Variants in AK5 observed in about 807,000 individuals in gnomAD.
AK5 encodes the protein adenylate kinase isoenzyme 5.
AK5 carries 27 observed loss-of-function variants against 69.5 expected under a neutral mutation model. The ratio of observed to expected loss-of-function variants is 0.39; its 90% CI spans 0.29 to 0.54. The LOEUF is 0.54. AK5 is among the 20% of genes least tolerant of loss of function. The probability of loss-of-function intolerance (pLI) is 0.71; values close to 1 mark genes in which losing one functional copy is unlikely to be tolerated. For missense variants in AK5, 531 were observed against 700.4 expected, an observed-to-expected ratio of 0.76 and a Z score of 2.73; for synonymous variants, 260 against 244.4, an observed-to-expected ratio of 1.06 and a Z score of -0.60.
intron 8 of AK5, among the ~76,000 whole-genome samples, chr1:77,456,166 A>G (rs914146788): frequency 1.3e-5 from 2 of 152,206 alleles, no homozygotes; most frequent in African/African-American, 4.8e-5. Context: ...ACAGCAAGTA[A>G]TTCCTCAATA....
In AK5 at chr1:77,463,724, TC is replaced by T. The variant is rs554224969; in HGVS notation, c.1060-19590del. Among the ~76,000 whole-genome samples the T allele has an allele frequency of 1.5e-3, 233 of 152,318 alleles. 2 individuals are homozygous for T. Among genetic ancestry groups the T allele is most frequent in the Non-Finnish European group, 1.6e-3 (109 of 68,026 alleles). On this transcript the variant is annotated intron_variant, in intron 8 of 13. Coordinates refer to ENST00000354567, the MANE Select transcript of AK5 (RefSeq NM_174858.3). ...TTGTGTGTCTGTTTCCCTCTATTTT[TC>T]CCTTATTATAGGCCTGTTTCTTCCC... is the stretch of plus-strand genomic sequence containing the variant.
Position 77,558,676 on chromosome 1 carries a change from A to G in AK5, c.*6A>G, listed in dbSNP as rs774619397. On this transcript the variant is annotated 3_prime_UTR_variant, in exon 14 of 14. Transcript: ENST00000354567. Reference sequence around the variant, plus strand: ...CTATTGACTCTATTTTCTGAAGGCAAAAATGCATGTTTGTTAGAATGGAAA... The same window carrying G: ...CTATTGACTCTATTTTCTGAAGGCAGAAATGCATGTTTGTTAGAATGGAAA... The G allele has an allele frequency of 6.4e-7, 1 of 1,552,890 alleles. No individual in the cohort carries two copies. The highest frequency in any genetic ancestry group is 1.1e-5 in the South Asian group (1 of 88,984).
rs1553140338 is a variant in AK5, at chr1:77,368,246, T to TA, written c.891+27679dup. Among the ~76,000 whole-genome samples, 84 of 4,840 alleles carry TA rather than the reference T, an allele frequency of 0.017. 5 individuals carry two copies. The South Asian group carries it at 0.33, about 19-fold the overall frequency. 3.2% of individuals were successfully genotyped at this position (4,840 alleles called of 152,430 possible). ...ATATATATATATATATATATATATA[T>TA]ATATATAATATATATGTTATATATA... On this transcript the variant is annotated intron_variant, in intron 6 of 13. Coordinates refer to ENST00000354567, the MANE Select transcript of AK5 (RefSeq NM_174858.3).
chr1:77,478,029 A>G (rs1008318272), intron 8 of AK5, among the ~76,000 whole-genome samples: 1 of 152,188 alleles, frequency 6.6e-6, no homozygotes, highest in Admixed American at 6.5e-5. Context: ...AAGAGCAGTA[A>G]GAGGATGCTG....
intron 10 of AK5, among the ~76,000 whole-genome samples, chr1:77,506,573 G>A (rs1314698304): frequency 6.6e-6 from 1 of 152,114 alleles, no homozygotes; most frequent in African/African-American, 2.4e-5. Flanking sequence ...CATGGCATTT[G>A]GTTTCAGAGT....
Position 77,417,166 on chromosome 1 carries a change from C to G in AK5, c.983-473C>G, listed in dbSNP as rs547952573. ...TACGCAAACTTAGCCCTTCCTGTTT[C>G]TGGAAACCCCTTACTCTCCTCCCAC... On this transcript the variant is annotated intron_variant, in intron 7 of 13. Coordinates refer to ENST00000354567, the MANE Select transcript of AK5 (RefSeq NM_174858.3). Among the ~76,000 whole-genome samples the G allele has an allele frequency of 2.0e-5, 3 of 152,132 alleles. No individual in the cohort carries two copies. The East Asian group carries it at 5.8e-4, about 29-fold the overall frequency.
rs536006264 is a variant in AK5, at chr1:77,307,739, C to T, written c.699+9792C>T. Among the ~76,000 whole-genome samples the T allele has an allele frequency of 7.8e-4, 119 of 152,266 alleles. 2 individuals carry two copies. In the South Asian group the frequency reaches 0.02, roughly 26 times the overall value. ...CCAATGCTTCTTCTGTGTTCTCCCT[C>T]CCCTGGCACCCAGAGAGGCTCTCAG... On this transcript the variant is annotated intron_variant, in intron 5 of 13. Coordinates refer to ENST00000354567, the MANE Select transcript of AK5 (RefSeq NM_174858.3).
chr1:77,389,486 A>G (rs1648269029), intron 6 of AK5, among the ~76,000 whole-genome samples: 1 of 152,194 alleles, frequency 6.6e-6, no homozygotes, highest in Non-Finnish European at 1.5e-5. Flanking sequence ...CAGAAAAGTG[A>G]CAGAAGGATG....
chr1:77,344,944 AT>A (rs1221463813), intron 6 of AK5, among the ~76,000 whole-genome samples: 2 of 151,808 alleles, frequency 1.3e-5, no homozygotes, highest in Admixed American at 1.3e-4. Context: ...TTTTTAAAAA[AT>A]ATATGCAATT....
intron 5 of AK5, among the ~76,000 whole-genome samples, chr1:77,325,956 T>A (rs541122842): frequency 6.6e-6 from 1 of 152,150 alleles, no homozygotes; most frequent in South Asian, 2.1e-4. Context: ...AATTAATAAA[T>A]GTTTATGGAT....
At chr1:77,363,703 GT>G (rs777600640) in intron 6 of AK5, among the ~76,000 whole-genome samples, 10 of 152,152 alleles carry the variant, frequency 6.6e-5, no homozygotes, top group Middle Eastern at 6.8e-3. Flanking sequence ...GCCTTTTGCT[GT>G]TTCCCTCTGC....
intron 12 of AK5, among the ~76,000 whole-genome samples, chr1:77,524,621 C>T (rs546321232): frequency 3.9e-5 from 6 of 152,158 alleles, no homozygotes; most frequent in Non-Finnish European, 7.4e-5. Flanking sequence ...TGTAGGAGTT[C>T]TTTATATATT....
chr1:77,306,494 G>GTTTTTTTTTTTTTTTTTTTTTTTTTTT (rs869202567), intron 5 of AK5, among the ~76,000 whole-genome samples: 1 of 120,366 alleles, frequency 8.3e-6, no homozygotes, highest in Non-Finnish European at 1.7e-5. Flanking sequence ...GTTTTTTTTT[G>GTTTTTTTTTTTTTTTTTTTTTTTTTTT]TTTTTTTTTT....
At chr1:77,424,208 A>G (rs1276752160) in intron 8 of AK5, among the ~76,000 whole-genome samples, 1 of 152,254 alleles carries the variant, frequency 6.6e-6, no homozygotes, top group Non-Finnish European at 1.5e-5. Flanking sequence ...TGAATAGACT[A>G]AGCATCAGAA....
chr1:77,498,201 T>C (rs1230258840), intron 10 of AK5, among the ~76,000 whole-genome samples: 1 of 152,146 alleles, frequency 6.6e-6, no homozygotes, highest in East Asian at 1.9e-4. Context: ...CACTAAAGTA[T>C]AATGAAAATT....
At chr1:77,397,371 G>A (rs17371324) in intron 6 of AK5, among the ~76,000 whole-genome samples, 12,855 of 152,142 alleles carry the variant, frequency 0.084, 729 homozygotes, top group South Asian at 0.17. Context: ...GCAGTCTCTT[G>A]GCGCTTCCTC....
intron 6 of AK5, among the ~76,000 whole-genome samples, chr1:77,396,747 A>G (rs570412573): frequency 6.6e-6 from 1 of 152,358 alleles, no homozygotes; most frequent in Admixed American, 6.5e-5. Flanking sequence ...GCATTGTAGT[A>G]AGACAGACTT....
chr1:77,363,214 T>C (rs1646895538), intron 6 of AK5, among the ~76,000 whole-genome samples: 2 of 152,184 alleles, frequency 1.3e-5, no homozygotes, highest in South Asian at 4.1e-4. Flanking sequence ...CCATTTCTGT[T>C]GGTGGCACCT....
chr1:77,300,120 G>A (rs887823506), intron 5 of AK5, among the ~76,000 whole-genome samples: 1 of 152,136 alleles, frequency 6.6e-6, no homozygotes, highest in African/African-American at 2.4e-5. Context: ...GTGACTTGCA[G>A]TAGGTGGGAG....
Sources: gnomAD v4.1 joint callset for allele counts (sites outside exome capture counted in the v4.1 genomes callset) on GRCh38, gnomAD v4.1.1 for gene constraint, MANE v1.5 for transcripts, NCBI Gene and HGNC (gene_info 2026-07-23, HGNC 2026-07-21) for gene names.